The following ZMAT4 variants were observed in gnomAD, a reference collection of about 807,000 sequenced individuals.
ZMAT4 encodes zinc finger matrin-type protein 4.
In ZMAT4, 17 loss-of-function variants were observed where a neutral mutation model predicts 28.7. That is an observed-to-expected ratio of 0.59 (90% CI 0.41 to 0.89). The LOEUF (loss-of-function observed/expected upper bound fraction) is 0.89. Ranked by LOEUF, ZMAT4 falls within the 40% of genes least tolerant of loss-of-function variation. The pLI, the probability that ZMAT4 is intolerant of heterozygous loss-of-function variation, is 0.00. For synonymous variants in ZMAT4, 117 were observed against 109.2 expected (o/e 1.07, Z -0.44); for missense variants, 240 against 283.8 (o/e 0.85, Z 1.11).
At chr8:40,890,687 T>C (rs1401001358) in intron 1 of ZMAT4, among the ~76,000 whole-genome samples, 1 of 152,194 alleles carries the variant, frequency 6.6e-6, no homozygotes, top group East Asian at 1.9e-4. Flanking sequence ...TTTCTGCTCC[T>C]TCATGTGGCA....
In ZMAT4 at chr8:40,531,299, C is replaced by G. The variant is rs1802686988; in HGVS notation, c.*924G>C. 1 of 152,194 alleles carries G rather than the reference C, an allele frequency of 6.6e-6. No individual in the cohort carries two copies. The highest frequency in any genetic ancestry group is 1.5e-5 in the Non-Finnish European group (1 of 68,036). 9.4% of individuals were successfully genotyped at this position (152,194 alleles called of 1,614,324 possible). On this transcript the variant is annotated 3_prime_UTR_variant, in exon 7 of 7. Transcript: ENST00000297737. Reference sequence around the variant, plus strand: ...AAACAGAAGAAATAGGGGACCCCGCCTAGCCCAAGGCCGCCATTTCTTCAG... The same window carrying G: ...AAACAGAAGAAATAGGGGACCCCGCGTAGCCCAAGGCCGCCATTTCTTCAG...
At chr8:40,777,621 C>A (rs939777469) in intron 2 of ZMAT4, among the ~76,000 whole-genome samples, 2 of 152,200 alleles carry the variant, frequency 1.3e-5, no homozygotes, top group Non-Finnish European at 2.9e-5. Flanking sequence ...GGGCGGAGGG[C>A]ATGGCTGGAT....
At chr8:40,731,113 C>A (rs575663854) in intron 3 of ZMAT4, among the ~76,000 whole-genome samples, 1 of 147,004 alleles carries the variant, frequency 6.8e-6, no homozygotes, top group African/African-American at 2.4e-5. Context: ...CACAGAGGTG[C>A]AAAGAGCTGG....
intron 2 of ZMAT4, among the ~76,000 whole-genome samples, chr8:40,804,913 A>C (rs1387942209): frequency 6.6e-6 from 1 of 151,958 alleles, no homozygotes; most frequent in East Asian, 1.9e-4. Context: ...CAGATATACT[A>C]TAATATCGTT....
chr8:40,694,487 C>A (rs1196647544), intron 4 of ZMAT4, among the ~76,000 whole-genome samples: 1 of 152,088 alleles, frequency 6.6e-6, no homozygotes, highest in Non-Finnish European at 1.5e-5. Flanking sequence ...TGCAGCAGGC[C>A]TTGCTACCAT....
chr8:40,563,490 C>G (rs1010745942), intron 6 of ZMAT4, among the ~76,000 whole-genome samples: 12 of 152,072 alleles, frequency 7.9e-5, no homozygotes, highest in African/African-American at 2.7e-4. Context: ...AGGTCTCTAG[C>G]AAAAGTGGAA....
chr8:40,830,214 G>A (rs541175859), intron 1 of ZMAT4, among the ~76,000 whole-genome samples: 2 of 152,126 alleles, frequency 1.3e-5, no homozygotes, highest in Non-Finnish European at 2.9e-5. Context: ...GGTTCAGGGG[G>A]TACAGGTGCT....
At chr8:40,767,805 G>A (rs995161680) in intron 2 of ZMAT4, 75 bp from the exon 3 acceptor site, 23 of 1,172,972 alleles carry the variant, frequency 2.0e-5, no homozygotes, top group Admixed American at 1.8e-4. Flanking sequence ...GCCAGTGCCC[G>A]CAAATGCAAA....
chr8:40,616,743 G>C (rs970913392), intron 5 of ZMAT4, among the ~76,000 whole-genome samples: 1 of 152,048 alleles, frequency 6.6e-6, no homozygotes, highest in Non-Finnish European at 1.5e-5. Context: ...CCGTGGGTTG[G>C]GGGGAGGGAG....
intron 2 of ZMAT4, among the ~76,000 whole-genome samples, chr8:40,819,684 G>A (rs1815678209): frequency 6.6e-6 from 1 of 152,092 alleles, no homozygotes; most frequent in African/African-American, 2.4e-5. Context: ...CAACACAAGG[G>A]TTATTAGGGT....
chr8:40,695,057 G>A (rs769895551), intron 4 of ZMAT4, among the ~76,000 whole-genome samples: 20 of 152,140 alleles, frequency 1.3e-4, no homozygotes, highest in South Asian at 4.1e-4. Flanking sequence ...GCATTAGATC[G>A]TTCCCTTTTT....
At chr8:40,863,262 G>A (rs1033791810) in intron 1 of ZMAT4, among the ~76,000 whole-genome samples, 1 of 152,030 alleles carries the variant, frequency 6.6e-6, no homozygotes, top group Admixed American at 6.6e-5. Flanking sequence ...TTGCTACAAT[G>A]TGGAAAATGC....
At chr8:40,760,762 GTCTC>G (rs1177939397) in intron 3 of ZMAT4, among the ~76,000 whole-genome samples, 1 of 140,930 alleles carries the variant, frequency 7.1e-6, no homozygotes, top group African/African-American at 2.7e-5. Flanking sequence ...CTCTGTCGCG[GTCTC>G]TCTCTCTTTC....
chr8:40,640,238 A>T (rs1806960160), intron 5 of ZMAT4, among the ~76,000 whole-genome samples: 2 of 152,180 alleles, frequency 1.3e-5, no homozygotes, highest in South Asian at 4.1e-4. Flanking sequence ...TCAGCCTCCT[A>T]AAATGTTGAG....
chr8:40,532,390 CA>C, intron 6 of ZMAT4, 152 bp from the exon 7 acceptor site: 1 of 521,998 alleles, frequency 1.9e-6, no homozygotes. Context: ...GTTAATCTTT[CA>C]GGTTCTAAAT....
At chr8:40,625,823 C>T (rs921752307) in intron 5 of ZMAT4, among the ~76,000 whole-genome samples, 3 of 53,454 alleles carry the variant, frequency 5.6e-5, no homozygotes, top group African/African-American at 1.7e-4. Flanking sequence ...AAAGACCAGA[C>T]TGGGGGGCTG....
intron 3 of ZMAT4, among the ~76,000 whole-genome samples, chr8:40,755,927 A>G (rs372080064): frequency 4.6e-5 from 7 of 152,256 alleles, no homozygotes; most frequent in East Asian, 1.9e-4. Context: ...TGGCACATAA[A>G]TACTAAATCG....
chr8:40,817,026 G>A (rs1053153610), intron 2 of ZMAT4, among the ~76,000 whole-genome samples: 1 of 152,084 alleles, frequency 6.6e-6, no homozygotes, highest in Non-Finnish European at 1.5e-5. Flanking sequence ...GAAGGGCATA[G>A]CCTTTCCACT....
chr8:40,676,222 T>C (rs1808902468), intron 4 of ZMAT4, among the ~76,000 whole-genome samples: 1 of 152,132 alleles, frequency 6.6e-6, no homozygotes. Context: ...AAAGCCAATG[T>C]TCCCTTCAAT....
Sources: gnomAD v4.1 joint callset for allele counts (sites outside exome capture counted in the v4.1 genomes callset) on GRCh38, gnomAD v4.1.1 for gene constraint, MANE v1.5 for transcripts, NCBI Gene and HGNC (gene_info 2026-07-23, HGNC 2026-07-21) for gene names.